The following GTF2E2 variants were observed in gnomAD, a reference collection of about 807,000 sequenced individuals.
The protein encoded by GTF2E2 is transcription initiation factor IIE subunit beta.
Under a neutral mutation model 40.5 loss-of-function variants are expected in GTF2E2, and 21 were observed. The observed-to-expected ratio is 0.52, with a 90% confidence interval of 0.37 to 0.75. The LOEUF is 0.75. Ranked by LOEUF, GTF2E2 falls within the 30% of genes least tolerant of loss-of-function variation. The pLI is 0.00. For synonymous variants in GTF2E2, 117 were observed against 121.6 expected, an observed-to-expected ratio of 0.96 and a Z score of 0.25; for missense variants, 298 against 338.4, an observed-to-expected ratio of 0.88 and a Z score of 0.94.
chr8:30,651,352 A>G (rs990680787), intron 2 of GTF2E2, among the ~76,000 whole-genome samples: 1 of 152,192 alleles, frequency 6.6e-6, no homozygotes, highest in African/African-American at 2.4e-5. Flanking sequence ...AGGTTACAGA[A>G]TACAAGATCA....
chr8:30,627,949 A>G (rs1271512240), intron 3 of GTF2E2, among the ~76,000 whole-genome samples: 1 of 152,242 alleles, frequency 6.6e-6, no homozygotes, highest in Non-Finnish European at 1.5e-5. Flanking sequence ...TTAGAAAAAA[A>G]TGTTTTGACT....
chr8:30,647,669 C>T (rs1802140872), intron 2 of GTF2E2, among the ~76,000 whole-genome samples: 2 of 152,140 alleles, frequency 1.3e-5, no homozygotes, highest in Non-Finnish European at 2.9e-5. Context: ...GAAACAAACA[C>T]AAATAATATA....
At chr8:30,652,804 T>C (rs1802324899) in intron 2 of GTF2E2, among the ~76,000 whole-genome samples, 19 of 152,122 alleles carry the variant, frequency 1.2e-4, no homozygotes, top group Admixed American at 1.2e-3. Flanking sequence ...GTGAAAATAA[T>C]CCAAATAACC....
intron 2 of GTF2E2, chr8:30,644,583 T>C (rs1215057515): frequency 6.6e-6 from 1 of 151,006 alleles, no homozygotes; most frequent in African/African-American, 2.4e-5. Context: ...GTAAGAAGAA[T>C]CCACAAGGCT....
chr8:30,614,462 C>G (rs774826032), intron 4 of GTF2E2, 146 bp downstream of exon 4: 5 of 537,000 alleles, frequency 9.3e-6, no homozygotes, highest in Non-Finnish European at 1.6e-5. Flanking sequence ...TGCCTGTAGT[C>G]CCAACTACTC....
chr8:30,638,073 A>G (rs1801671551), intron 2 of GTF2E2, among the ~76,000 whole-genome samples: 1 of 152,208 alleles, frequency 6.6e-6, no homozygotes, highest in Non-Finnish European at 1.5e-5. Context: ...CAACTTGCAG[A>G]GCTAAAAGCC....
intron 1 of GTF2E2, chr8:30,657,610 G>GT (rs1802485739): frequency 2.0e-5 from 3 of 152,328 alleles, no homozygotes; most frequent in Admixed American, 2.0e-4. Context: ...AGCAGTCCGC[G>GT]TATGAGCATC....
chr8:30,588,251 T>G, intron 6 of GTF2E2, among the ~76,000 whole-genome samples: 1 of 152,346 alleles, frequency 6.6e-6, no homozygotes, highest in Admixed American at 6.5e-5. Flanking sequence ...ACTTAGTATG[T>G]TGAGGAGATG....
intron 6 of GTF2E2, chr8:30,597,149 C>A (rs1271223535): frequency 6.6e-6 from 1 of 152,422 alleles, no homozygotes; most frequent in African/African-American, 2.4e-5. Context: ...GTGTGGCCTT[C>A]TCAGTGCTCC....
intron 3 of GTF2E2, among the ~76,000 whole-genome samples, chr8:30,630,287 T>C (rs1476306434): frequency 6.6e-6 from 1 of 152,204 alleles, no homozygotes; most frequent in Non-Finnish European, 1.5e-5. Context: ...GTTCTCAGTA[T>C]TATGACTCTG....
intron 6 of GTF2E2, among the ~76,000 whole-genome samples, chr8:30,587,265 T>C (rs1461254239): frequency 6.6e-6 from 1 of 151,866 alleles, no homozygotes; most frequent in African/African-American, 2.4e-5. Flanking sequence ...GTTTTAAGAT[T>C]AGCCAAGTTT....
At position 30,581,342 on chromosome 8, in the gene GTF2E2, C is replaced by T. The variant is rs914415861; in HGVS notation, c.644-946G>A. Among the ~76,000 whole-genome samples the T allele has an allele frequency of 3.3e-5, 5 of 152,186 alleles. 1 individual carries two copies. The highest frequency in any genetic ancestry group is 7.2e-5 in the African/African-American group (3 of 41,452). ...TTCTTCCAGAGCCAAGAACTTCCCA[C>T]GGTCCGTTTACAAATGATAAATGAA... is the stretch of plus-strand genomic sequence containing the variant. On this transcript the variant is annotated intron_variant, in intron 6 of 7. Coordinates refer to ENST00000355904, the MANE Select transcript of GTF2E2 (RefSeq NM_002095.6).
intron 3 of GTF2E2, among the ~76,000 whole-genome samples, chr8:30,623,487 T>C (rs1389918104): frequency 6.6e-6 from 1 of 152,146 alleles, no homozygotes; most frequent in Non-Finnish European, 1.5e-5. Context: ...TGCGTGCATG[T>C]CTCTTTACAG....
intron 2 of GTF2E2, among the ~76,000 whole-genome samples, chr8:30,651,627 GA>G (rs368860992): frequency 3.3e-5 from 5 of 152,228 alleles, no homozygotes; most frequent in African/African-American, 1.2e-4. Context: ...TCATTGACTG[GA>G]AGATCTAATA....
At chr8:30,632,542 AATT>A (rs1368567026) in intron 3 of GTF2E2, among the ~76,000 whole-genome samples, 2 of 152,216 alleles carry the variant, frequency 1.3e-5, no homozygotes, top group African/African-American at 4.8e-5. Flanking sequence ...CACATAAAAC[AATT>A]ATAATAAAAA....
chr8:30,588,973 G>A (rs1828760189), intron 6 of GTF2E2, among the ~76,000 whole-genome samples: 1 of 152,166 alleles, frequency 6.6e-6, no homozygotes, highest in African/African-American at 2.4e-5. Flanking sequence ...TACTGGCCTG[G>A]CCGGGCACAG....
rs181813263 is a variant in GTF2E2 at position 30,620,791 on chromosome 8, T to C, written c.259-6076A>G. Among the ~76,000 whole-genome samples the C allele has an allele frequency of 1.5e-4, 22 of 150,736 alleles. No individual in the cohort carries two copies. The East Asian group carries it at 2.5e-3, about 17-fold the overall frequency. ...AAAAAAAAAAAAAATTAGCCAGGCA[T>C]GGTGGCACATGCCTATAATTCCAGC... is the stretch of plus-strand genomic sequence containing the variant. On this transcript the variant is annotated intron_variant, in intron 3 of 7. Coordinates refer to ENST00000355904, the MANE Select transcript of GTF2E2 (RefSeq NM_002095.6).
intron 2 of GTF2E2, chr8:30,645,696 G>T: frequency 1.7e-6 from 2 of 1,204,092 alleles, no homozygotes; most frequent in Non-Finnish European, 2.3e-6. Context: ...AACAAATTCT[G>T]ACTGAATGGT....
chr8:30,591,950 CTCTT>C (rs1368232018), intron 6 of GTF2E2, among the ~76,000 whole-genome samples: 1 of 152,074 alleles, frequency 6.6e-6, no homozygotes, highest in Non-Finnish European at 1.5e-5. Context: ...GCACTTAATG[CTCTT>C]TATTTCCCTA....
Sources: allele counts gnomAD v4.1 joint callset (sites outside exome capture counted in the v4.1 genomes callset), GRCh38; gene constraint gnomAD v4.1.1; transcripts MANE v1.5; gene names NCBI Gene and HGNC (gene_info 2026-07-23, HGNC 2026-07-21).